ROBO2: variants seen among roughly 807,000 people sequenced by gnomAD.
ROBO2 encodes roundabout homolog 2.
ROBO2 carries 53 observed loss-of-function variants against 160.8 expected under a neutral mutation model. The observed-to-expected ratio is 0.33, with a 90% CI of 0.26 to 0.41. The LOEUF (loss-of-function observed/expected upper bound fraction) is 0.41, where lower values mean the gene tolerates loss of function less well. Ranked by LOEUF, ROBO2 falls within the 10% of genes least tolerant of loss-of-function variation. The pLI, the probability that ROBO2 is intolerant of heterozygous loss-of-function variation, is 1.00. For synonymous variants in ROBO2, 664 were observed against 611.7 expected (o/e 1.09, Z -1.26); for missense variants, 1,577 against 1,722.4 (o/e 0.92, Z 1.49).
intron 2 of ROBO2, among the ~76,000 whole-genome samples, chr3:76,332,723 C>T (rs1168401612): frequency 6.6e-6 from 1 of 152,090 alleles, no homozygotes; most frequent in Admixed American, 6.5e-5. Flanking sequence ...TAATACTTTC[C>T]ACCTCTGTGG....
chr3:77,522,720 G>A (rs2090732806), intron 5 of ROBO2, 55 bp from the exon 6 acceptor site: 4 of 1,553,318 alleles, frequency 2.6e-6, no homozygotes, highest in Admixed American at 1.7e-5. Flanking sequence ...AATACTTAAT[G>A]TTATTATCCG....
intron 2 of ROBO2, among the ~76,000 whole-genome samples, chr3:76,811,013 T>G (rs910008508): frequency 2.6e-5 from 4 of 152,162 alleles, no homozygotes; most frequent in Admixed American, 2.0e-4. Flanking sequence ...TAATCAGCAT[T>G]TCATTACTAA....
intron 2 of ROBO2, among the ~76,000 whole-genome samples, chr3:76,624,112 G>C (rs1169948061): frequency 6.6e-6 from 1 of 151,890 alleles, no homozygotes; most frequent in Non-Finnish European, 1.5e-5. Context: ...ATGAATACGT[G>C]AACATAATTG....
At chr3:76,922,142 T>C (rs2076703984) in intron 2 of ROBO2, among the ~76,000 whole-genome samples, 1 of 152,104 alleles carries the variant, frequency 6.6e-6, no homozygotes, top group Non-Finnish European at 1.5e-5. Flanking sequence ...AAACCCCGTC[T>C]GCACTAAAAA....
chr3:76,109,456 A>T (rs1229730825), intron 2 of ROBO2, among the ~76,000 whole-genome samples: 2 of 152,050 alleles, frequency 1.3e-5, no homozygotes, highest in East Asian at 3.9e-4. Flanking sequence ...TAAAATATGC[A>T]CGGCAAAGCA....
intron 2 of ROBO2, among the ~76,000 whole-genome samples, chr3:76,326,554 A>G (rs923804459): frequency 6.6e-6 from 1 of 152,222 alleles, no homozygotes; most frequent in Non-Finnish European, 1.5e-5. Flanking sequence ...ATTATATTGC[A>G]TAATGCATAT....
chr3:76,783,553 A>T (rs1248742102), intron 2 of ROBO2, among the ~76,000 whole-genome samples: 3 of 149,634 alleles, frequency 2.0e-5, no homozygotes, highest in African/African-American at 7.3e-5. Context: ...ATGTCATCCA[A>T]CACTCTCCTG....
At chr3:76,940,770 C>T (rs2078135808) in intron 2 of ROBO2, among the ~76,000 whole-genome samples, 1 of 152,146 alleles carries the variant, frequency 6.6e-6, no homozygotes, top group African/African-American at 2.4e-5. Flanking sequence ...ATACATTTAT[C>T]AAAACATCCC....
intron 2 of ROBO2, among the ~76,000 whole-genome samples, chr3:76,527,627 A>G (rs1017977714): frequency 3.3e-5 from 5 of 152,288 alleles, no homozygotes; most frequent in Middle Eastern, 3.4e-3. Flanking sequence ...GCATTAAGAG[A>G]AAATAAATAA....
chr3:77,277,173 T>TTTCTTTCTTTCTTTCTTTC (rs2059909501), intron 2 of ROBO2, among the ~76,000 whole-genome samples: 4 of 96,850 alleles, frequency 4.1e-5, no homozygotes, highest in African/African-American at 1.9e-4. Context: ...TCTTTCTTTC[T>TTTCTTTCTTTCTTTCTTTC]TTCTTTCTTT....
At chr3:77,296,505 GT>G (rs1034414460) in intron 2 of ROBO2, among the ~76,000 whole-genome samples, 4 of 152,072 alleles carry the variant, frequency 2.6e-5, no homozygotes, top group African/African-American at 9.7e-5. Flanking sequence ...TGTTTGTCTT[GT>G]TTTCTTTTGT....
intron 2 of ROBO2, among the ~76,000 whole-genome samples, chr3:77,147,058 C>G (rs186059322): frequency 5.5e-4 from 84 of 152,238 alleles, no homozygotes; most frequent in African/African-American, 1.9e-3. Context: ...ATGCAATATG[C>G]ACCTGTTTAT....
intron 2 of ROBO2, among the ~76,000 whole-genome samples, chr3:76,114,573 A>G (rs1051067426): frequency 6.6e-6 from 1 of 152,094 alleles, no homozygotes; most frequent in Non-Finnish European, 1.5e-5. Context: ...TATTATCATT[A>G]TCTTTAAAGA....
At chr3:76,568,849 T>C (rs2084775634) in intron 2 of ROBO2, among the ~76,000 whole-genome samples, 1 of 151,128 alleles carries the variant, frequency 6.6e-6, no homozygotes, top group African/African-American at 2.5e-5. Flanking sequence ...TGCAGACCCA[T>C]AGCATTCTAT....
At chr3:77,348,057 C>T (rs1231656584) in intron 2 of ROBO2, among the ~76,000 whole-genome samples, 2 of 151,996 alleles carry the variant, frequency 1.3e-5, no homozygotes, top group African/African-American at 4.8e-5. Flanking sequence ...TTTTTTTCCT[C>T]TAATCCCTTT....
At chr3:77,112,184 G>C in intron 2 of ROBO2, among the ~76,000 whole-genome samples, 1 of 119,872 alleles carries the variant, frequency 8.3e-6, no homozygotes, top group Non-Finnish European at 1.6e-5. Flanking sequence ...GACAGAGCGA[G>C]ACTCGTCTCA....
At chr3:76,548,773 T>A (rs2083257286) in intron 2 of ROBO2, among the ~76,000 whole-genome samples, 1 of 151,568 alleles carries the variant, frequency 6.6e-6, no homozygotes, top group Non-Finnish European at 1.5e-5. Context: ...CGAAATCAGG[T>A]GAAAGAGGGA....
At chr3:77,564,655 T>A (rs1409535844) in intron 11 of ROBO2, 4 of 488,352 alleles carry the variant, frequency 8.2e-6, no homozygotes, top group African/African-American at 7.8e-5. Flanking sequence ...GATCTTGGCC[T>A]CTGTTCCTTT....
chr3:77,014,340 G>A (rs1456222060), intron 2 of ROBO2, among the ~76,000 whole-genome samples: 1 of 152,108 alleles, frequency 6.6e-6, no homozygotes, highest in Non-Finnish European at 1.5e-5. Context: ...TCCACTAGAA[G>A]ACCCTGGTAA....
Sources: allele counts gnomAD v4.1 joint callset (sites outside exome capture counted in the v4.1 genomes callset), GRCh38; gene constraint gnomAD v4.1.1; transcripts MANE v1.5; gene names NCBI Gene and HGNC (gene_info 2026-07-23, HGNC 2026-07-21).